The following LMO1 variants were observed in gnomAD, a reference collection of about 807,000 sequenced individuals.
LMO1 encodes rhombotin-1.
In LMO1, 10 loss-of-function variants were observed where a neutral mutation model predicts 18.0. The observed-to-expected ratio is 0.55, with a 90% CI of 0.34 to 0.94. LMO1 has a LOEUF of 0.94. LMO1 is among the 40% of genes least tolerant of loss of function. The probability of loss-of-function intolerance (pLI) is 0.02; values close to 1 mark genes in which losing one functional copy is unlikely to be tolerated. For missense variants in LMO1, 183 were observed against 205.7 expected (o/e 0.89, Z 0.68); for synonymous variants, 77 against 77.9 (o/e 0.99, Z 0.06).
chr11:8,257,656 A>G (rs1022262845), intron 1 of LMO1, among the ~76,000 whole-genome samples: 1 of 152,180 alleles, frequency 6.6e-6, no homozygotes, highest in African/African-American at 2.4e-5. Flanking sequence ...CCCTGTTTAA[A>G]CCTCAACCTT....
chr11:8,225,651 G>C (rs1952526241), intron 3 of LMO1, among the ~76,000 whole-genome samples: 1 of 152,134 alleles, frequency 6.6e-6, no homozygotes, highest in African/African-American at 2.4e-5. Context: ...CCCAAGTAAG[G>C]GAAGATTCCG....
chr11:8,228,514 C>T (rs989689881), intron 2 of LMO1, among the ~76,000 whole-genome samples: 2 of 152,214 alleles, frequency 1.3e-5, no homozygotes, highest in Non-Finnish European at 2.9e-5. Context: ...TTCTTGCCAT[C>T]GGCCCAGGAA....
intron 1 of LMO1, among the ~76,000 whole-genome samples, chr11:8,254,689 C>G (rs144010630): frequency 0.026 from 3,953 of 152,310 alleles, 86 homozygotes; most frequent in Middle Eastern, 0.041. Context: ...CTGCCCACAG[C>G]AACCTTCCTC....
chr11:8,231,659 G>T (rs1168583762), intron 1 of LMO1, among the ~76,000 whole-genome samples: 1 of 152,052 alleles, frequency 6.6e-6, no homozygotes, highest in Non-Finnish European at 1.5e-5. Flanking sequence ...CTGGATAGGG[G>T]CCCACCCCTC....
At chr11:8,248,687 A>T (rs1846937333) in intron 1 of LMO1, among the ~76,000 whole-genome samples, 2 of 152,248 alleles carry the variant, frequency 1.3e-5, no homozygotes, top group Admixed American at 1.3e-4. Flanking sequence ...AGCAGCTTTC[A>T]TGAAAGCCAT....
intron 2 of LMO1, among the ~76,000 whole-genome samples, chr11:8,228,762 A>G (rs1439711389): frequency 6.6e-6 from 1 of 152,010 alleles, no homozygotes; most frequent in Non-Finnish European, 1.5e-5. Context: ...CTCTCTCTCC[A>G]AGTCCTGTGA....
chr11:8,248,819 C>A (rs1846939368), intron 1 of LMO1, among the ~76,000 whole-genome samples: 1 of 152,192 alleles, frequency 6.6e-6, no homozygotes, highest in Non-Finnish European at 1.5e-5. Context: ...GACTTGCTGC[C>A]TCCCAGTCCT....
chr11:8,241,898 C>T lies in LMO1; in HGVS notation c.26-11394G>A, dbSNP rs561943854. Among the ~76,000 whole-genome samples, 4 of 152,180 alleles carry T rather than the reference C, an allele frequency of 2.6e-5. No individual in the cohort carries two copies. In the South Asian group the frequency reaches 8.3e-4, roughly 32 times the overall value. On this transcript the variant is annotated intron_variant, in intron 1 of 3. Coordinates refer to ENST00000335790, the MANE Select transcript of LMO1 (RefSeq NM_002315.3). ...CATGCCTTGTCCACTATTGTGTTCCCAGTGTTGTGCCCCACAGCAGTCATT... is the reference window on the plus strand; with the variant it reads ...CATGCCTTGTCCACTATTGTGTTCCTAGTGTTGTGCCCCACAGCAGTCATT...
chr11:8,256,757 G>T (rs1847105675), intron 1 of LMO1, among the ~76,000 whole-genome samples: 1 of 152,222 alleles, frequency 6.6e-6, no homozygotes, highest in African/African-American at 2.4e-5. Context: ...CAGGCAAGGA[G>T]GACATAGGAA....
intron 1 of LMO1, among the ~76,000 whole-genome samples, chr11:8,238,563 C>T (rs981578230): frequency 2.1e-5 from 3 of 145,826 alleles, no homozygotes; most frequent in Non-Finnish European, 4.5e-5. Flanking sequence ...CCCAGCTACT[C>T]GGGAGGCTGA....
chr11:8,263,228 T>A, intron 1 of LMO1, 110 bp downstream of exon 1: 1 of 990,034 alleles, frequency 1.0e-6, no homozygotes, highest in Non-Finnish European at 1.3e-6. Flanking sequence ...CGCCCCGCAA[T>A]CCCCGCACAG....
At chr11:8,238,367 T>C (rs114702839) in intron 1 of LMO1, among the ~76,000 whole-genome samples, 1,789 of 152,286 alleles carry the variant, frequency 0.012, 38 homozygotes, top group African/African-American at 0.04. Flanking sequence ...ACCGATCTGA[T>C]GTCAGAATAA....
chr11:8,234,744 C>G (rs1334759929), intron 1 of LMO1, among the ~76,000 whole-genome samples: 1 of 152,188 alleles, frequency 6.6e-6, no homozygotes, highest in Admixed American at 6.5e-5. Flanking sequence ...TGGCTCTGCC[C>G]CCTGCAGGAT....
chr11:8,225,951 G>A (rs1023678792), intron 3 of LMO1, among the ~76,000 whole-genome samples: 1 of 152,192 alleles, frequency 6.6e-6, no homozygotes, highest in Non-Finnish European at 1.5e-5. Context: ...AAGGGCTCTG[G>A]CTCCTTAGGT....
At chr11:8,263,224 G>A (rs1449327032) in intron 1 of LMO1, 114 bp downstream of exon 1, 19 of 947,358 alleles carry the variant, frequency 2.0e-5, no homozygotes, top group South Asian at 3.0e-5. Context: ...CGCCCGCCCC[G>A]CAATCCCCGC....
intron 1 of LMO1, among the ~76,000 whole-genome samples, chr11:8,234,807 C>T (rs1042122183): frequency 1.3e-5 from 2 of 152,154 alleles, no homozygotes; most frequent in African/African-American, 4.8e-5. Context: ...AGCTTGTGTC[C>T]CGGGGCCTTC....
chr11:8,260,737 C>G (rs937118047), intron 1 of LMO1, among the ~76,000 whole-genome samples: 2 of 152,106 alleles, frequency 1.3e-5, no homozygotes, highest in African/African-American at 2.4e-5. Context: ...CTGGCAGACC[C>G]GACTTCAACC....
rs57425549 is a variant in LMO1, at chr11:8,255,818, C to CTTTTTTTTTT, written c.25+7510_25+7519dup. ...TACATACAGATAGCACAATGCCGCA[C>CTTTTTTTTTT]TTTTTTTTTTTTTTTTTTTTTTTTT... On this transcript the variant is annotated intron_variant, in intron 1 of 3. Coordinates refer to ENST00000335790, the MANE Select transcript of LMO1 (RefSeq NM_002315.3). Among the ~76,000 whole-genome samples the CTTTTTTTTTT allele has an allele frequency of 2.5e-4, 22 of 86,362 alleles. 2 individuals are homozygous for CTTTTTTTTTT. Among genetic ancestry groups the CTTTTTTTTTT allele is most frequent in the South Asian group, 8.8e-4 (2 of 2,264 alleles). 56.7% of individuals were successfully genotyped at this position (86,362 alleles called of 152,430 possible). A position where few individuals can be genotyped will look rare whatever the true frequency, so the allele number is the denominator to read the frequency against.
chr11:8,230,221 C>T (rs372964156), intron 2 of LMO1, 70 bp downstream of exon 2: 95 of 1,427,126 alleles, frequency 6.7e-5, no homozygotes, highest in Middle Eastern at 2.2e-4. Flanking sequence ...GGCACAGTCA[C>T]GCTGGGGCTG....
Sources: gnomAD v4.1 joint callset for allele counts (sites outside exome capture counted in the v4.1 genomes callset) on GRCh38, gnomAD v4.1.1 for gene constraint, MANE v1.5 for transcripts, NCBI Gene and HGNC (gene_info 2026-07-23, HGNC 2026-07-21) for gene names.